The following SMG1 variants were observed in gnomAD, a reference collection of about 807,000 sequenced individuals.
SMG1 encodes the protein serine/threonine-protein kinase SMG1.
A neutral mutation model predicts 419.9 loss-of-function variants in SMG1; 22 were observed. That is an observed-to-expected ratio of 0.05 (90% confidence interval 0.04 to 0.07). The LOEUF is 0.07. SMG1 is among the 10% of genes least tolerant of loss of function. The pLI is 1.00. For synonymous variants in SMG1, 1,538 were observed against 1,553.5 expected (o/e 0.99, Z 0.23); for missense variants, 3,185 against 4,342.0 (o/e 0.73, Z 7.49).
Position 18,847,440 on chromosome 16 carries a change from T to A in SMG1, c.5996+13A>T. The A allele has an allele frequency of 1.2e-6, 2 of 1,613,616 alleles. No homozygotes were observed. Among genetic ancestry groups the A allele is most frequent in the Non-Finnish European group, 1.7e-6 (2 of 1,179,524 alleles). ...CAGCTTCACTGTCTCAGGACAAGTGTATGGAAACATACTTGCGTAAGGTGT... is the reference window on the plus strand; with the variant it reads ...CAGCTTCACTGTCTCAGGACAAGTGAATGGAAACATACTTGCGTAAGGTGT... On this transcript the variant is annotated intron_variant, in intron 38 of 62. Transcript: ENST00000446231.
At position 18,813,439 on chromosome 16, in the gene SMG1, C is replaced by T. The variant is rs566428895; in HGVS notation, c.10622-1312G>A. 1.4e-3 allele frequency among the ~76,000 whole-genome samples: 212 copies of T among 152,270 alleles called. 1 individual carries two copies. Among genetic ancestry groups the T allele is most frequent in the African/African-American group, 4.7e-3 (196 of 41,546 alleles). On this transcript the variant is annotated intron_variant, in intron 60 of 62. Coordinates refer to ENST00000446231, the MANE Select transcript of SMG1 (RefSeq NM_015092.5). ...TGGCCAGTGATGATGAGCATTTTTTCATGTGTCTGTTGGCTGCATAAATGT... is the reference window on the plus strand; with the variant it reads ...TGGCCAGTGATGATGAGCATTTTTTTATGTGTCTGTTGGCTGCATAAATGT...
At chr16:18,923,373 G>A (rs1023578524) in intron 1 of SMG1, among the ~76,000 whole-genome samples, 4 of 152,120 alleles carry the variant, frequency 2.6e-5, no homozygotes, top group Non-Finnish European at 4.4e-5. Flanking sequence ...GGCTGAGTGC[G>A]GTGACTTACA....
At position 18,836,508 on chromosome 16, in the gene SMG1, C is replaced by A; in HGVS notation, c.7629G>T (p.Gln2543His). ...QHRYSEHTQL[Q>H]TQQRAVQEAI... ...CTTCCTGAACAGCTCTTTGCTGAGT[C>A]TGTAGTTGGGTGTGCTCAGAATACC... The change falls in exon 47 of 63, where the codon CAG (glutamine) becomes CAT (histidine). Residue 2543 changes from glutamine (Q) to histidine (H), a missense_variant. Physicochemically the swap from Gln to His is conservative, Grantham distance 24. Coordinates refer to ENST00000446231, the MANE Select transcript of SMG1 (RefSeq NM_015092.5). 1 of 1,613,960 alleles carries A rather than the reference C, an allele frequency of 6.2e-7. No homozygotes were observed. The highest frequency in any genetic ancestry group is 8.5e-7 in the Non-Finnish European group (1 of 1,179,886).
In SMG1 at chr16:18,804,932, T is replaced by G. The variant is rs777290313; in HGVS notation, c.*4637A>C. 2.6e-5 allele frequency: 4 copies of G among 152,704 alleles called. No individual in the cohort carries two copies. The highest frequency in any genetic ancestry group is 4.8e-5 in the African/African-American group (2 of 41,478). 9.5% of individuals were successfully genotyped at this position (152,704 alleles called of 1,614,324 possible). ...AATCTTTGCCATGTTAATGCAAATATGCACAAAGTAGGCATGTATTTGTTT... is the reference window on the plus strand; with the variant it reads ...AATCTTTGCCATGTTAATGCAAATAGGCACAAAGTAGGCATGTATTTGTTT... On this transcript the variant is annotated 3_prime_UTR_variant, in exon 63 of 63. Coordinates refer to ENST00000446231, the MANE Select transcript of SMG1 (RefSeq NM_015092.5).
intron 6 of SMG1, among the ~76,000 whole-genome samples, chr16:18,887,777 A>T (rs1360251807): frequency 5.9e-5 from 3 of 51,030 alleles, no homozygotes; most frequent in Non-Finnish European, 1.6e-4. Context: ...AAAAAAAAAA[A>T]AAAAAAAAAA....
Position 18,811,972 on chromosome 16 carries a change from C to A in SMG1, c.10777G>T (p.Val3593Phe). 6.2e-7 allele frequency: 1 copy of A among 1,613,886 alleles called. No homozygotes were observed. The highest frequency in any genetic ancestry group is 8.5e-7 in the Non-Finnish European group (1 of 1,179,850). ...KSVACSPKKA[V>F]RDPKTGKAVQ... ...CCTTTCCCAGTTTTAGGGTCTCTGA[C>A]TGCCTTTTTAGGACTACAAGCAACA... The change falls in exon 61 of 63, where the codon GTC (valine) becomes TTC (phenylalanine). Residue 3593 changes from valine (V) to phenylalanine (F), a missense_variant. Val to Phe is a conservative substitution (Grantham distance 50, BLOSUM62 -1). Transcript: ENST00000446231.
At chr16:18,810,334 T>C (rs1224654223) in intron 62 of SMG1, among the ~76,000 whole-genome samples, 4 of 152,096 alleles carry the variant, frequency 2.6e-5, no homozygotes, top group Non-Finnish European at 5.9e-5. Flanking sequence ...ATGAGGAAAA[T>C]ATCAGACAAA....
chr16:18,921,785 CA>C (rs1387159942), intron 1 of SMG1, among the ~76,000 whole-genome samples: 1 of 152,184 alleles, frequency 6.6e-6, no homozygotes, highest in African/African-American at 2.4e-5. Flanking sequence ...TACTAGTATA[CA>C]GCTTTTCTAA....
Position 18,918,241 on chromosome 16 carries a change from C to A in SMG1, c.92+7709G>T, listed in dbSNP as rs1243521575. Among the ~76,000 whole-genome samples the A allele has an allele frequency of 2.0e-5, 3 of 151,972 alleles. No homozygotes were observed. In the East Asian group the frequency reaches 5.8e-4, roughly 30 times the overall value. On this transcript the variant is annotated intron_variant, in intron 1 of 62. Transcript: ENST00000446231. ...TGGCACCATTGTGCTCCAGCCTGGG[C>A]AACAAGAGCAAAAACTCCGTCTCCA...
At chr16:18,912,201 T>G (rs569372582) in intron 1 of SMG1, among the ~76,000 whole-genome samples, 1 of 150,776 alleles carries the variant, frequency 6.6e-6, no homozygotes, top group African/African-American at 2.4e-5. Flanking sequence ...TTTTTTTTTT[T>G]GAAAAAGAAA....
At chr16:18,834,526 C>T (rs2033427090) in intron 49 of SMG1, 88 bp from the exon 50 acceptor site, 1 of 1,315,554 alleles carries the variant, frequency 7.6e-7, no homozygotes, top group Admixed American at 2.2e-5. Flanking sequence ...CCTGTAATTC[C>T]AGCATTTTGG....
In SMG1 at chr16:18,816,324, T is replaced by A. The variant is rs1185884583; in HGVS notation, c.10280A>T (p.His3427Leu). The part of the protein sequence containing the change: ...GHNRQLGDVK[H>L]LLKAMAKDEE... ...TACCTTAGCCATAGCTTTCAAGAGATGTTTGACATCTCCAAGCTGTCGGTT... is the reference window on the plus strand; with the variant it reads ...TACCTTAGCCATAGCTTTCAAGAGAAGTTTGACATCTCCAAGCTGTCGGTT... Residue 3427 changes from histidine (H) to leucine (L), a missense_variant, in exon 58 of 63, where the codon CAT becomes CTT. Physicochemically the swap from His to Leu is moderately conservative, Grantham distance 99. Around this residue, in one of 27 missense-constraint regions of SMG1, gnomAD observed 737 missense variants for 846.6 expected, o/e 0.87. Coordinates refer to ENST00000446231, the MANE Select transcript of SMG1 (RefSeq NM_015092.5). 6.2e-7 allele frequency: 1 copy of A among 1,613,822 alleles called. No individual in the cohort carries two copies. The highest frequency in any genetic ancestry group is 1.7e-4 in the Middle Eastern group (1 of 6,060).
chr16:18,917,889 CAAG>C (rs781454098), intron 1 of SMG1, among the ~76,000 whole-genome samples: 27 of 151,580 alleles, frequency 1.8e-4, no homozygotes, highest in Non-Finnish European at 3.2e-4. Flanking sequence ...CACACTTTTT[CAAG>C]AAGCAACTAG....
chr16:18,845,578 C>A lies in SMG1; in HGVS notation c.6070G>T (p.Val2024Leu). 1 of 1,613,848 alleles carries A rather than the reference C, an allele frequency of 6.2e-7. No homozygotes were observed. Among genetic ancestry groups the A allele is most frequent in the Non-Finnish European group, 8.5e-7 (1 of 1,179,886 alleles). The change falls in exon 39 of 63, where the codon GTG becomes TTG. Residue 2024 changes from valine (V) to leucine (L), a missense_variant. By Grantham distance (32) the Val-to-Leu change is conservative. This residue lies in a region of SMG1 where 159 missense variants were observed against 196.0 expected (regional missense o/e 0.81). Transcript: ENST00000446231. ...GCAGGAGCCGCTGTGATACTCCTCACATGCTCCAAAGCAAATACGATGGGC... is the reference window on the plus strand; with the variant it reads ...GCAGGAGCCGCTGTGATACTCCTCAAATGCTCCAAAGCAAATACGATGGGC... ...MKPIVFALEH[V>L]RSITAAPAET...
Position 18,866,724 on chromosome 16 carries a change from G to A in SMG1, c.3247C>T (p.Leu1083Phe), listed in dbSNP as rs762245277. 2 of 1,596,878 alleles carry A rather than the reference G, an allele frequency of 1.3e-6. No individual in the cohort carries two copies. The highest frequency in any genetic ancestry group is 1.7e-6 in the Non-Finnish European group (2 of 1,179,338). ...IMMVVEALCE[L>F]HCPEAIQGIA... ...CCCTGTATAGCTTCAGGACAATGAA[G>A]TTCACATAATGCTTCTACCACCATC... The change falls in exon 23 of 63, where the codon CTT becomes TTT. Residue 1083 changes from leucine (L) to phenylalanine (F), a missense_variant. This residue lies in a region of SMG1 where 121 missense variants were observed against 125.4 expected (regional missense o/e 0.96). Transcript: ENST00000446231.
chr16:18,849,580 C>G (rs927166153), intron 35 of SMG1, among the ~76,000 whole-genome samples: 1 of 152,198 alleles, frequency 6.6e-6, no homozygotes, highest in Non-Finnish European at 1.5e-5. Context: ...GGTTTAGATA[C>G]AGAGCTGTAA....
intron 30 of SMG1, 98 bp from the exon 31 acceptor site, chr16:18,853,965 C>T: frequency 3.8e-5 from 41 of 1,093,286 alleles, no homozygotes; most frequent in Non-Finnish European, 5.2e-5. Context: ...GGTGATGACA[C>T]CACCATGTTG....
At chr16:18,872,691 T>A in intron 13 of SMG1, 67 bp from the exon 14 acceptor site, 1 of 1,241,722 alleles carries the variant, frequency 8.1e-7, no homozygotes, top group African/African-American at 1.5e-5. Context: ...ACAGAGTTTA[T>A]CCTTCAAAAT....
rs912482445 is a variant in SMG1, at chr16:18,841,103, T to C, written c.6696+462A>G. Among the ~76,000 whole-genome samples, 11 of 152,016 alleles carry C rather than the reference T, an allele frequency of 7.2e-5. No individual in the cohort carries two copies. In the East Asian group the frequency reaches 1.2e-3, roughly 16 times the overall value. On this transcript the variant is annotated intron_variant, in intron 41 of 62. Transcript: ENST00000446231. Reference sequence around the variant, plus strand: ...AAAAAAGCAAACAACTTTATTTTTATAAAAGGTACCTCAAGGCCAGATGCG... The same window carrying C: ...AAAAAAGCAAACAACTTTATTTTTACAAAAGGTACCTCAAGGCCAGATGCG...
Sources: allele counts gnomAD v4.1 joint callset (sites outside exome capture counted in the v4.1 genomes callset), GRCh38; gene constraint gnomAD v4.1.1; regional missense constraint gnomAD v4.1.1; transcripts MANE v1.5; gene names NCBI Gene and HGNC (gene_info 2026-07-23, HGNC 2026-07-21).